The following TRPV4 variants were observed in gnomAD, a reference collection of about 807,000 sequenced individuals.
TRPV4 encodes OSM9-like transient receptor potential channel 4.
Under a neutral mutation model 84.1 loss-of-function variants are expected in TRPV4, and 58 were observed. The observed-to-expected ratio is 0.69, with a 90% CI of 0.56 to 0.86. The LOEUF is 0.86. TRPV4 is among the 40% of genes least tolerant of loss of function. TRPV4 has a pLI of 0.00. For missense variants in TRPV4, 879 were observed against 1,181.1 expected (o/e 0.74, Z 3.75); for synonymous variants, 489 against 500.9 (o/e 0.98, Z 0.32).
intron 1 of TRPV4, 82 bp downstream of exon 1, chr12:109,833,268 G>A (rs1473005738): frequency 1.3e-5 from 2 of 152,324 alleles, no homozygotes; most frequent in Non-Finnish European, 2.9e-5. Flanking sequence ...ACCCCCCGGA[G>A]CCGGACGGGC....
At chr12:109,812,224 G>A (rs969276044) in intron 2 of TRPV4, among the ~76,000 whole-genome samples, 2 of 152,202 alleles carry the variant, frequency 1.3e-5, no homozygotes, top group African/African-American at 4.8e-5. Context: ...ATGGGGACCA[G>A]ACAAGGTGGT....
chr12:109,805,762 C>T (rs891343188), intron 3 of TRPV4, among the ~76,000 whole-genome samples: 1 of 152,226 alleles, frequency 6.6e-6, no homozygotes, highest in African/African-American at 2.4e-5. Flanking sequence ...ACGCTAGCCT[C>T]TGCAATTTCA....
intron 12 of TRPV4, among the ~76,000 whole-genome samples, chr12:109,790,049 C>T (rs554838981): frequency 1.3e-4 from 20 of 152,334 alleles, no homozygotes; most frequent in Non-Finnish European, 1.9e-4. Flanking sequence ...AGATCCCTGA[C>T]CTGAATCCCA....
chr12:109,803,471 G>A (rs1890938946), intron 3 of TRPV4, among the ~76,000 whole-genome samples: 2 of 151,892 alleles, frequency 1.3e-5, no homozygotes, highest in South Asian at 2.1e-4. Context: ...TTTTTTGAGA[G>A]AGAGGGTCTC....
Position 109,794,001 on chromosome 12 carries a change from T to C in TRPV4, c.1513A>G (p.Thr505Ala), listed in dbSNP as rs1406474774. 2 of 1,609,296 alleles carry C rather than the reference T, an allele frequency of 1.2e-6. No individual in the cohort carries two copies. Among genetic ancestry groups the C allele is most frequent in the East Asian group, 2.2e-5 (1 of 44,714 alleles). The part of the protein sequence containing the change: ...EGTPPYPYRT[T>A]VDYLRLAGEV... ...CCAGCCAGCCGCAGGTAGTCCACCG[T>C]GGTGCGGTAAGGGTACGGCGGCTGG... The change falls in exon 9 of 16, where the codon ACG becomes GCG. Residue 505 changes from threonine to alanine, a missense_variant. Thr to Ala is a moderately conservative substitution (Grantham distance 58). Coordinates refer to ENST00000261740, the MANE Select transcript of TRPV4 (RefSeq NM_021625.5).
chr12:109,792,108 T>C (rs1445929834), intron 12 of TRPV4, among the ~76,000 whole-genome samples: 1 of 150,466 alleles, frequency 6.6e-6, no homozygotes, highest in Non-Finnish European at 1.5e-5. Flanking sequence ...TAGTGGGGCG[T>C]GGTGGCAGGA....
rs776419711 is a variant in TRPV4, at chr12:109,798,602, C to A, written c.1152+12G>T. ...GTAGGTGGATCAGCTGTGCCCCCAGCCGCACACTCACCCCAATCTTGCCCG... is the reference window on the plus strand; with the variant it reads ...GTAGGTGGATCAGCTGTGCCCCCAGACGCACACTCACCCCAATCTTGCCCG... On this transcript the variant is annotated intron_variant, in intron 6 of 15. Transcript: ENST00000261740. This position sits in a 1 kb window ranked among gnomAD's most constrained non-coding sequence, Gnocchi z 5.0. 1 of 1,609,540 alleles carries A rather than the reference C, an allele frequency of 6.2e-7. No homozygotes were observed. The highest frequency in any genetic ancestry group is 8.5e-7 in the Non-Finnish European group (1 of 1,179,968).
At chr12:109,784,215 T>G (rs946584613) in intron 15 of TRPV4, 101 bp downstream of exon 15, 21 of 1,568,568 alleles carry the variant, frequency 1.3e-5, no homozygotes, top group Non-Finnish European at 1.7e-5. Flanking sequence ...TCTCATTCTG[T>G]AGACACGGAC....
chr12:109,824,156 G>A (rs1000009788), intron 1 of TRPV4, among the ~76,000 whole-genome samples: 1 of 151,946 alleles, frequency 6.6e-6, no homozygotes, highest in Non-Finnish European at 1.5e-5. Flanking sequence ...GTAGAGACGG[G>A]GTTTCACCAT....
At chr12:109,809,300 CCCAT>C (rs576736575) in intron 2 of TRPV4, among the ~76,000 whole-genome samples, 1 of 148,498 alleles carries the variant, frequency 6.7e-6, no homozygotes, top group Non-Finnish European at 1.5e-5. Flanking sequence ...CACCTACCCG[CCCAT>C]CCATCCATCC....
Position 109,783,587 on chromosome 12 carries a change from A to T in TRPV4, c.*34T>A. On this transcript the variant is annotated 3_prime_UTR_variant, in exon 16 of 16. Coordinates refer to ENST00000261740, the MANE Select transcript of TRPV4 (RefSeq NM_021625.5). This position sits in a 1 kb window ranked among gnomAD's most constrained non-coding sequence, Gnocchi z 4.6. Reference sequence around the variant, plus strand: ...CTGAAATGCGGCTGGACTAGAAATGAGTGGGCAGAGAAGCTGGGGCTGGGC... The same window carrying T: ...CTGAAATGCGGCTGGACTAGAAATGTGTGGGCAGAGAAGCTGGGGCTGGGC... 1.2e-6 allele frequency: 2 copies of T among 1,603,922 alleles called. No individual in the cohort carries two copies. Among genetic ancestry groups the T allele is most frequent in the East Asian group, 4.5e-5 (2 of 44,740 alleles).
chr12:109,822,062 T>TGAG (rs950226202), intron 1 of TRPV4, among the ~76,000 whole-genome samples: 2 of 151,080 alleles, frequency 1.3e-5, no homozygotes, highest in Non-Finnish European at 3.0e-5. Context: ...GGAAAGGCTG[T>TGAG]GAGGAGGAGG....
chr12:109,787,462 G>A (rs1861811), intron 13 of TRPV4, among the ~76,000 whole-genome samples: 46,816 of 151,972 alleles, frequency 0.31, 8,879 homozygotes, highest in South Asian at 0.41. Flanking sequence ...AAAATTAGCC[G>A]GGTGAGGTGG....
At position 109,793,775 on chromosome 12, in the gene TRPV4, TGGA is replaced by T. The variant is rs1890189668; in HGVS notation, c.1584+152_1584+154del. On this transcript the variant is annotated intron_variant, in intron 9 of 15. Coordinates refer to ENST00000261740, the MANE Select transcript of TRPV4 (RefSeq NM_021625.5). This position sits in a 1 kb window ranked among gnomAD's most constrained non-coding sequence, Gnocchi z 4.0. ...AAAGCAGAGATGGAGAACGTGGGAT[TGGA>T]GGAGGTAGAAGAGAAATGGGAAAAT... Among the ~76,000 whole-genome samples the T allele has an allele frequency of 6.6e-6, 1 of 151,000 alleles. No homozygotes were observed. Among genetic ancestry groups the T allele is most frequent in the African/African-American group, 2.4e-5 (1 of 40,908 alleles).
intron 1 of TRPV4, among the ~76,000 whole-genome samples, chr12:109,827,577 C>A (rs984350706): frequency 1.3e-5 from 2 of 151,870 alleles, no homozygotes; most frequent in Non-Finnish European, 2.9e-5. Flanking sequence ...ACACACTACA[C>A]ACAAATACAT....
In TRPV4 at chr12:109,788,451, G is replaced by A. The variant is rs150719390; in HGVS notation, c.2157C>T (p.Gly719=). Residue 719 remains glycine (G), a synonymous_variant, in exon 13 of 16, where the codon GGC becomes GGT. Transcript: ENST00000261740. ...CCTTGGAGACCTGGCCCACTGTCTCGCCCATGAGGGCAATGAGCATGTTGA... is the reference window on the plus strand; with the variant it reads ...CCTTGGAGACCTGGCCCACTGTCTCACCCATGAGGGCAATGAGCATGTTGA... ...LLLNMLIALM[G]ETVGQVSKES... is the part of the protein sequence containing the mutation. 2.0e-5 allele frequency: 32 copies of A among 1,614,064 alleles called. No individual in the cohort carries two copies. The highest frequency in any genetic ancestry group is 4.5e-5 in the East Asian group (2 of 44,886).
In TRPV4 at chr12:109,786,265, C is replaced by T. The variant is rs1889677421; in HGVS notation, c.2336+445G>A. On this transcript the variant is annotated intron_variant, in intron 14 of 15. Coordinates refer to ENST00000261740, the MANE Select transcript of TRPV4 (RefSeq NM_021625.5). The surrounding 1 kb of genome is among the most constrained non-coding windows in gnomAD (Gnocchi z 4.5). ...GATGGGCTGGGTGAGGTCTCCAGCC[C>T]TGGAAACTGCACATTCCTCAGCTTC... is the stretch of plus-strand genomic sequence containing the variant. Among the ~76,000 whole-genome samples the T allele has an allele frequency of 6.6e-6, 1 of 152,216 alleles. No individual in the cohort carries two copies.
intron 6 of TRPV4, among the ~76,000 whole-genome samples, chr12:109,797,811 A>C (rs1262459911): frequency 6.6e-6 from 1 of 151,878 alleles, no homozygotes; most frequent in Non-Finnish European, 1.5e-5. Flanking sequence ...TGTAAGTGAC[A>C]CTTACTGCTT....
At chr12:109,824,756 C>CAACAAAACAAAACAA (rs112462693) in intron 1 of TRPV4, among the ~76,000 whole-genome samples, 1 of 120,030 alleles carries the variant, frequency 8.3e-6, no homozygotes, top group African/African-American at 4.1e-5. Flanking sequence ...GACTCCATCT[C>CAACAAAACAAAACAA]AACAAAACAA....
Sources: gnomAD v4.1 joint callset for allele counts (sites outside exome capture counted in the v4.1 genomes callset) on GRCh38, gnomAD v4.1.1 for gene constraint, Gnocchi (gnomAD v3.1) non-coding constraint, MANE v1.5 for transcripts, NCBI Gene and HGNC (gene_info 2026-07-23, HGNC 2026-07-21) for gene names.